Variants in KAZN observed in about 807,000 individuals in gnomAD.
The protein encoded by KAZN is kazrin.
Under a neutral mutation model 87.4 loss-of-function variants are expected in KAZN, and 40 were observed. The observed-to-expected ratio is 0.46, with a 90% confidence interval of 0.36 to 0.60. The LOEUF is 0.60. KAZN is among the 20% of genes least tolerant of loss of function. The pLI is 0.00. For missense variants in KAZN, 898 were observed against 1,073.9 expected (o/e 0.84, Z 2.29); for synonymous variants, 466 against 458.3 (o/e 1.02, Z -0.22).
intron 1 of KAZN, among the ~76,000 whole-genome samples, chr1:14,618,093 C>T (rs553856824): frequency 4.6e-5 from 7 of 152,236 alleles, no homozygotes; most frequent in Non-Finnish European, 8.8e-5. Flanking sequence ...TTCAAGCTCT[C>T]ATTGCTAAGC....
At chr1:14,032,963 G>A (rs757643733) in intron 1 of KAZN, among the ~76,000 whole-genome samples, 2 of 152,152 alleles carry the variant, frequency 1.3e-5, no homozygotes, top group Non-Finnish European at 2.9e-5. Flanking sequence ...CCTGATTCCT[G>A]TGCCCTCTGC....
chr1:15,114,667 G>A lies in KAZN; in HGVS notation c.*32G>A. On this transcript the variant is annotated 3_prime_UTR_variant, in exon 15 of 15. Transcript: ENST00000376030. ...GGTGGCTCCACCAGACCCAACGTGA[G>A]AGACCCAGGAAGGAAGAGAAGCCAG... The A allele has an allele frequency of 2.6e-6, 4 of 1,556,270 alleles. No individual in the cohort carries two copies. The highest frequency in any genetic ancestry group is 3.5e-6 in the Non-Finnish European group (4 of 1,149,716).
At chr1:14,545,621 AG>A (rs1274271895) in intron 2 of KAZN, among the ~76,000 whole-genome samples, 1 of 152,188 alleles carries the variant, frequency 6.6e-6, no homozygotes, top group Admixed American at 6.5e-5. Context: ...CTGTCCGTAT[AG>A]GCTAGGATAT....
chr1:14,790,142 A>T (rs1557492252), intron 1 of KAZN, among the ~76,000 whole-genome samples: 1 of 151,988 alleles, frequency 6.6e-6, no homozygotes, highest in African/African-American at 2.4e-5. Flanking sequence ...AGCTGGGATT[A>T]CAAACATGTG....
chr1:14,982,753 G>A (rs1666388953), intron 2 of KAZN, among the ~76,000 whole-genome samples: 2 of 152,176 alleles, frequency 1.3e-5, no homozygotes, highest in South Asian at 4.1e-4. Flanking sequence ...AGGGATCCAG[G>A]CCCCTGTGTC....
chr1:14,888,862 G>A (rs1254319354), intron 1 of KAZN, among the ~76,000 whole-genome samples: 1 of 152,134 alleles, frequency 6.6e-6, no homozygotes, highest in Non-Finnish European at 1.5e-5. Flanking sequence ...CTATATCTAG[G>A]ACATTGCTGG....
At position 13,922,897 on chromosome 1, in the gene KAZN, C is replaced by T. The variant is rs571266338; in HGVS notation, c.91+29141C>T. 2.0e-5 allele frequency among the ~76,000 whole-genome samples: 3 copies of T among 152,284 alleles called. No individual in the cohort carries two copies. In the East Asian group the frequency reaches 5.8e-4, roughly 29 times the overall value. ...TATTTCTATAGTTTAGCGCTTAGAA[C>T]ATTCGTCAGCACATAGTAGATGGAC... On this transcript the variant is annotated intron_variant, in intron 1 of 16. Coordinates refer to the KAZN transcript ENST00000636203.
intron 1 of KAZN, among the ~76,000 whole-genome samples, chr1:14,048,381 T>G (rs939500098): frequency 6.1e-5 from 9 of 148,218 alleles, no homozygotes; most frequent in African/African-American, 2.2e-4. Context: ...CAAACTAATG[T>G]CTCTAAAATA....
chr1:14,606,458 C>A (rs934353207), intron 1 of KAZN, among the ~76,000 whole-genome samples: 1 of 152,098 alleles, frequency 6.6e-6, no homozygotes, highest in Non-Finnish European at 1.5e-5. Context: ...AGCCCAGGGG[C>A]CACTTATCAC....
chr1:14,248,509 G>C (rs889165984), intron 2 of KAZN, among the ~76,000 whole-genome samples: 2 of 152,242 alleles, frequency 1.3e-5, no homozygotes, highest in Non-Finnish European at 2.9e-5. Flanking sequence ...ACAGAGCAAA[G>C]CTGCTCCTAG....
intron 2 of KAZN, among the ~76,000 whole-genome samples, chr1:14,428,216 A>C (rs1185444188): frequency 6.6e-6 from 1 of 152,206 alleles, no homozygotes; most frequent in Non-Finnish European, 1.5e-5. Flanking sequence ...TGACTCTTTC[A>C]GGTGCTAGCT....
In KAZN at chr1:14,920,466, C is replaced by T. The variant is rs556779980; in HGVS notation, c.227-40218C>T. ...AGTTGCCGGGAGGACTGGATGAGGACACCTCCTGCTGTCTTTCCGGACCCC... is the reference window on the plus strand; with the variant it reads ...AGTTGCCGGGAGGACTGGATGAGGATACCTCCTGCTGTCTTTCCGGACCCC... On this transcript the variant is annotated intron_variant, in intron 1 of 14. Transcript: ENST00000376030. 4.0e-5 allele frequency among the ~76,000 whole-genome samples: 6 copies of T among 151,782 alleles called. No homozygotes were observed. The South Asian group carries it at 1.3e-3, about 32-fold the overall frequency.
intron 1 of KAZN, among the ~76,000 whole-genome samples, chr1:13,939,007 GC>G: frequency 6.6e-6 from 1 of 152,324 alleles, no homozygotes; most frequent in East Asian, 1.9e-4. Context: ...CTAGGCCTCT[GC>G]CTTGTGATCT....
At chr1:14,450,065 C>A (rs931848950) in intron 2 of KAZN, among the ~76,000 whole-genome samples, 1 of 152,080 alleles carries the variant, frequency 6.6e-6, no homozygotes, top group Non-Finnish European at 1.5e-5. Context: ...TGCTTTCATG[C>A]AAATCTTAGC....
At position 13,991,885 on chromosome 1, in the gene KAZN, G is replaced by A. The variant is rs535774400; in HGVS notation, c.91+98129G>A. ...ACCTTGAACTATAGATACAGACGCA[G>A]TGTACCTCATTCCCAACCCTCCGTG... On this transcript the variant is annotated intron_variant, in intron 1 of 16. Transcript: ENST00000636203. Among the ~76,000 whole-genome samples, 46 of 152,200 alleles carry A rather than the reference G, an allele frequency of 3.0e-4. No individual in the cohort carries two copies. The Middle Eastern group carries it at 0.01, about 34-fold the overall frequency.
chr1:15,019,231 G>A (rs753490240), intron 2 of KAZN, among the ~76,000 whole-genome samples: 1 of 152,116 alleles, frequency 6.6e-6, no homozygotes, highest in Non-Finnish European at 1.5e-5. Context: ...CCATGCCCAG[G>A]TCCAGCATCT....
intron 1 of KAZN, among the ~76,000 whole-genome samples, chr1:14,859,867 G>C (rs1650626054): frequency 6.6e-6 from 1 of 152,136 alleles, no homozygotes; most frequent in African/African-American, 2.4e-5. Flanking sequence ...GAAAGGATAA[G>C]GATGCGGCAG....
At chr1:14,714,727 A>G (rs889667191) in intron 1 of KAZN, among the ~76,000 whole-genome samples, 8 of 150,796 alleles carry the variant, frequency 5.3e-5, no homozygotes, top group Non-Finnish European at 1.0e-4. Context: ...AGAGATGTGG[A>G]TAGGTCTTGG....
intron 2 of KAZN, chr1:14,349,482 G>A (rs994759368): frequency 6.6e-6 from 1 of 152,188 alleles, no homozygotes; most frequent in Non-Finnish European, 1.5e-5. Flanking sequence ...GGGCAAGATG[G>A]AGAAGCAGCT....
Sources: gnomAD v4.1 joint callset for allele counts (sites outside exome capture counted in the v4.1 genomes callset) on GRCh38, gnomAD v4.1.1 for gene constraint, MANE v1.5 for transcripts, NCBI Gene and HGNC (gene_info 2026-07-23, HGNC 2026-07-21) for gene names.